The following EPAS1 variants were observed in gnomAD, a reference collection of about 807,000 sequenced individuals.
EPAS1 encodes the protein endothelial PAS domain protein 1.
A neutral mutation model predicts 87.9 loss-of-function variants in EPAS1; 23 were observed. The observed-to-expected ratio is 0.26, with a 90% confidence interval of 0.19 to 0.37. The LOEUF is 0.37. Among genes scored for constraint, EPAS1 ranks in the 10% least tolerant of loss-of-function variants. The pLI is 1.00. For synonymous variants in EPAS1, 508 were observed against 444.3 expected, an observed-to-expected ratio of 1.14 and a Z score of -1.80; for missense variants, 1,138 against 1,120.7, an observed-to-expected ratio of 1.02 and a Z score of -0.22.
In EPAS1 at chr2:46,380,630, C is replaced by T. The variant is rs927242408; in HGVS notation, c.1958C>T (p.Ala653Val). 1 of 1,614,086 alleles carries T rather than the reference C, an allele frequency of 6.2e-7. No individual in the cohort carries two copies. Among genetic ancestry groups the T allele is most frequent in the Non-Finnish European group, 8.5e-7 (1 of 1,179,976 alleles). ...PPLHFGPTKW[A>V]VGDQRTEFLG... ...TTACATTTTGGGCCCACAAAGTGGG[C>T]CGTCGGGGATCAGCGCACAGAGTTC... Residue 653 changes from alanine to valine, a missense_variant, in exon 12 of 16, where the codon GCC (alanine) becomes GTC (valine). Transcript: ENST00000263734. This position sits in a 1 kb window ranked among gnomAD's most constrained non-coding sequence, Gnocchi z 4.4.
At chr2:46,381,905 CCAA>C in intron 13 of EPAS1, 67 bp from the exon 14 acceptor site, 1 of 1,409,252 alleles carries the variant, frequency 7.1e-7, no homozygotes, top group Non-Finnish European at 9.9e-7. Flanking sequence ...CCAGGCCCAC[CCAA>C]CCCACCCAGT....
intron 11 of EPAS1, among the ~76,000 whole-genome samples, chr2:46,379,408 T>C (rs1460646683): frequency 6.6e-6 from 1 of 152,242 alleles, no homozygotes; most frequent in Non-Finnish European, 1.5e-5. Context: ...TTCTTGATCC[T>C]ACTTGGCACA....
At chr2:46,348,235 G>C (rs1684078142) in intron 2 of EPAS1, among the ~76,000 whole-genome samples, 1 of 152,200 alleles carries the variant, frequency 6.6e-6, no homozygotes, top group South Asian at 2.1e-4. Context: ...ACAAGAGCAG[G>C]AGAGCCAAGG....
intron 1 of EPAS1, among the ~76,000 whole-genome samples, chr2:46,333,318 G>C (rs577715348): frequency 1.3e-5 from 2 of 152,274 alleles, no homozygotes; most frequent in South Asian, 4.2e-4. Flanking sequence ...TGAGAGGTTT[G>C]ACATTTTGCC....
chr2:46,355,011 A>C (rs1042417566), intron 2 of EPAS1, among the ~76,000 whole-genome samples: 17 of 152,258 alleles, frequency 1.1e-4, no homozygotes, highest in African/African-American at 4.1e-4. Context: ...TGCAACAGTT[A>C]GTTGTCTGTG....
At chr2:46,303,834 C>A (rs1255441123) in intron 1 of EPAS1, among the ~76,000 whole-genome samples, 1 of 152,114 alleles carries the variant, frequency 6.6e-6, no homozygotes, top group African/African-American at 2.4e-5. Context: ...CCAGACAGTT[C>A]TTGTGTTTTA....
chr2:46,302,350 T>G (rs1053423224), intron 1 of EPAS1, among the ~76,000 whole-genome samples: 15 of 152,252 alleles, frequency 9.9e-5, no homozygotes, highest in Admixed American at 9.8e-4. Flanking sequence ...AGTAGTTTTT[T>G]GGGGGTTTTG....
chr2:46,341,776 A>G lies in EPAS1; in HGVS notation c.27-5097A>G, dbSNP rs748316749. 5.3e-5 allele frequency among the ~76,000 whole-genome samples: 8 copies of G among 152,202 alleles called. No individual in the cohort carries two copies. In the South Asian group the frequency reaches 1.7e-3, roughly 32 times the overall value. The stretch of plus-strand genomic sequence containing the variant: ...TAAGTCCTCCAGGTGATTCTGATGC[A>G]AGCTAAAATTGAGACCCACGGCTCT... On this transcript the variant is annotated intron_variant, in intron 1 of 15. Transcript: ENST00000263734.
chr2:46,363,017 G>A (rs1530630), intron 6 of EPAS1, among the ~76,000 whole-genome samples: 75,172 of 142,244 alleles, frequency 0.53, 21,376 homozygotes, highest in East Asian at 0.85. Context: ...GGTGGTGGTG[G>A]TGATAATGAT....
intron 1 of EPAS1, among the ~76,000 whole-genome samples, chr2:46,298,922 C>A (rs977877403): frequency 6.6e-6 from 1 of 152,234 alleles, no homozygotes; most frequent in African/African-American, 2.4e-5. Flanking sequence ...TCCACCCGTG[C>A]GGCCCCAGTG....
At chr2:46,303,125 C>T (rs531403695) in intron 1 of EPAS1, among the ~76,000 whole-genome samples, 4 of 152,260 alleles carry the variant, frequency 2.6e-5, no homozygotes, top group East Asian at 1.9e-4. Context: ...ACATGCTTTT[C>T]TGTAGAAATC....
rs546018656 is a variant in EPAS1, at chr2:46,371,977, G to C, written c.886+2044G>C. ...GACTTCTGACTAGGCATATAGAAAG[G>C]ATTTTCCCTCTTGTTCTTCTTAGAA... On this transcript the variant is annotated intron_variant, in intron 7 of 15. Coordinates refer to ENST00000263734, the MANE Select transcript of EPAS1 (RefSeq NM_001430.5). This position sits in a 1 kb window ranked among gnomAD's most constrained non-coding sequence, Gnocchi z 4.3. Among the ~76,000 whole-genome samples the C allele has an allele frequency of 6.6e-6, 1 of 152,174 alleles. No homozygotes were observed.
chr2:46,348,233 A>C (rs1278283022), intron 2 of EPAS1, among the ~76,000 whole-genome samples: 2 of 152,216 alleles, frequency 1.3e-5, no homozygotes, highest in Non-Finnish European at 2.9e-5. Flanking sequence ...AGACAAGAGC[A>C]GGAGAGCCAA....
At chr2:46,370,838 C>A (rs1169126619) in intron 7 of EPAS1, among the ~76,000 whole-genome samples, 3 of 152,120 alleles carry the variant, frequency 2.0e-5, no homozygotes, top group African/African-American at 7.2e-5. Context: ...TGAATCCATG[C>A]GACTCATCAC....
chr2:46,374,659 CTG>C (rs1684699288), intron 7 of EPAS1, among the ~76,000 whole-genome samples: 1 of 152,218 alleles, frequency 6.6e-6, no homozygotes, highest in Non-Finnish European at 1.5e-5. Context: ...CCTAACGTCT[CTG>C]TGATTTGGGA....
intron 1 of EPAS1, among the ~76,000 whole-genome samples, chr2:46,306,789 T>G (rs1683115144): frequency 6.6e-6 from 1 of 152,212 alleles, no homozygotes; most frequent in South Asian, 2.1e-4. Flanking sequence ...ATTTTAAAAA[T>G]CACATATATC....
At chr2:46,322,765 C>T (rs1032238533) in intron 1 of EPAS1, among the ~76,000 whole-genome samples, 1 of 152,172 alleles carries the variant, frequency 6.6e-6, no homozygotes, top group African/African-American at 2.4e-5. Flanking sequence ...CTGCTGTTTC[C>T]ATTATATCAG....
At chr2:46,341,501 T>A (rs1038777629) in intron 1 of EPAS1, among the ~76,000 whole-genome samples, 1 of 152,246 alleles carries the variant, frequency 6.6e-6, no homozygotes, top group African/African-American at 2.4e-5. Flanking sequence ...CTGTGTGGCA[T>A]CTATTTCACA....
rs1684361089 is a variant in EPAS1 at position 46,360,324 on chromosome 2, A to G, written c.455-314A>G. Among the ~76,000 whole-genome samples the G allele has an allele frequency of 6.6e-6, 1 of 152,226 alleles. No individual in the cohort carries two copies. The highest frequency in any genetic ancestry group is 6.5e-5 in the Admixed American group (1 of 15,280). On this transcript the variant is annotated intron_variant, in intron 4 of 15. Coordinates refer to ENST00000263734, the MANE Select transcript of EPAS1 (RefSeq NM_001430.5). The surrounding 1 kb of genome is among the most constrained non-coding windows in gnomAD (Gnocchi z 4.5). ...GAAAGGGTGGCTGAGTTAGTGGCTG[A>G]TAGGCAGTCGTTGTGTCGCTGCTCT...
Sources: allele counts gnomAD v4.1 joint callset (sites outside exome capture counted in the v4.1 genomes callset), GRCh38; gene constraint gnomAD v4.1.1; non-coding constraint Gnocchi (gnomAD v3.1); transcripts MANE v1.5; gene names NCBI Gene and HGNC (gene_info 2026-07-23, HGNC 2026-07-21).